STAG1: variants seen among roughly 807,000 people sequenced by gnomAD.
STAG1 encodes cohesin subunit SA-1.
Under a neutral mutation model 170.9 loss-of-function variants are expected in STAG1, and 26 were observed. The observed-to-expected ratio is 0.15, with a 90% CI of 0.11 to 0.21. The LOEUF (loss-of-function observed/expected upper bound fraction) is 0.21. Among genes scored for constraint, STAG1 ranks in the 10% least tolerant of loss-of-function variants. The probability of loss-of-function intolerance (pLI) is 1.00; values close to 1 mark genes in which losing one functional copy is unlikely to be tolerated. For missense variants in STAG1, 964 were observed against 1,509.5 expected (o/e 0.64, Z 5.99); for synonymous variants, 514 against 497.7 (o/e 1.03, Z -0.44).
At chr3:136,528,675 C>T (rs1397363226) in intron 6 of STAG1, among the ~76,000 whole-genome samples, 11 of 151,980 alleles carry the variant, frequency 7.2e-5, no homozygotes, top group East Asian at 1.9e-4. Flanking sequence ...CCAAGTCAGG[C>T]GCAGGGGCTC....
At chr3:136,527,063 T>C (rs1935072130) in intron 6 of STAG1, among the ~76,000 whole-genome samples, 1 of 152,204 alleles carries the variant, frequency 6.6e-6, no homozygotes, top group Admixed American at 6.5e-5. Flanking sequence ...ATCTGACAAT[T>C]ATGTGTCTTG....
In STAG1 at chr3:136,546,308, G is replaced by C. The variant is rs553608838; in HGVS notation, c.395-4113C>G. Among the ~76,000 whole-genome samples, 7 of 152,280 alleles carry C rather than the reference G, an allele frequency of 4.6e-5. No homozygotes were observed. The South Asian group carries it at 8.3e-4, about 18-fold the overall frequency. The stretch of plus-strand genomic sequence containing the variant: ...CTATTAATAGGATTCAAGATAGGCA[G>C]GGTTTCTTGACCTGTGGCACATGGA... On this transcript the variant is annotated intron_variant, in intron 5 of 33. Coordinates refer to ENST00000383202, the MANE Select transcript of STAG1 (RefSeq NM_005862.3).
chr3:136,431,234 A>C (rs528264845), intron 16 of STAG1, among the ~76,000 whole-genome samples: 1 of 150,312 alleles, frequency 6.7e-6, no homozygotes, highest in Non-Finnish European at 1.5e-5. Flanking sequence ...CTTCTTGTGG[A>C]TTTGTTTTAT....
chr3:136,348,908 A>G (rs549043531), intron 29 of STAG1: 2 of 496,520 alleles, frequency 4.0e-6, no homozygotes, highest in East Asian at 7.5e-5. Context: ...TTGATTTTAT[A>G]GACCTAGCTA....
chr3:136,469,889 A>G (rs1018998993), intron 12 of STAG1, among the ~76,000 whole-genome samples: 19 of 152,228 alleles, frequency 1.2e-4, no homozygotes, highest in African/African-American at 4.3e-4. Flanking sequence ...TGGGGAAAGG[A>G]TTCCCTATTT....
At chr3:136,643,359 T>G (rs927297771) in intron 1 of STAG1, among the ~76,000 whole-genome samples, 1 of 152,338 alleles carries the variant, frequency 6.6e-6, no homozygotes, top group South Asian at 2.1e-4. Context: ...AATAAAGAGA[T>G]AAACATGAGA....
intron 22 of STAG1, among the ~76,000 whole-genome samples, chr3:136,385,288 A>G (rs993259158): frequency 4.6e-5 from 7 of 152,018 alleles, no homozygotes; most frequent in African/African-American, 9.7e-5. Flanking sequence ...TCTCTACAAT[A>G]TATCAGCCAG....
intron 1 of STAG1, among the ~76,000 whole-genome samples, chr3:136,724,516 T>C (rs998200060): frequency 3.3e-5 from 5 of 151,670 alleles, no homozygotes; most frequent in African/African-American, 1.2e-4. Flanking sequence ...CTTTGTTCAC[T>C]TGTTTATCTG....
intron 1 of STAG1, among the ~76,000 whole-genome samples, chr3:136,714,096 T>C (rs1943456956): frequency 6.6e-6 from 1 of 151,702 alleles, no homozygotes; most frequent in East Asian, 1.9e-4. Context: ...AAGAACCACT[T>C]GAACCCAGGA....
rs143656075 is a variant in STAG1, at chr3:136,527,490, T to G, written c.472-6073A>C. On this transcript the variant is annotated intron_variant, in intron 6 of 33. Coordinates refer to ENST00000383202, the MANE Select transcript of STAG1 (RefSeq NM_005862.3). ...TACACTGGTTATTCTAGTTAGCCAT[T>G]CGTCCAGTCTTTTTTTGGTTTTCAG... Among the ~76,000 whole-genome samples, 682 of 152,296 alleles carry G rather than the reference T, an allele frequency of 4.5e-3. 4 individuals are homozygous for G. The highest frequency in any genetic ancestry group is 8.3e-3 in the Non-Finnish European group (565 of 68,028).
intron 10 of STAG1, 101 bp from the exon 11 acceptor site, chr3:136,473,738 C>T (rs112977277): frequency 1.6e-4 from 125 of 797,290 alleles, no homozygotes; most frequent in Non-Finnish European, 2.5e-4. Context: ...ATTTGACTTA[C>T]TGCATATTGT....
chr3:136,744,061 C>T (rs1221104661), intron 1 of STAG1, among the ~76,000 whole-genome samples: 1 of 152,248 alleles, frequency 6.6e-6, no homozygotes, highest in East Asian at 1.9e-4. Context: ...GGCCACGTGG[C>T]TCACGCCTGT....
intron 9 of STAG1, 21 bp from the exon 10 acceptor site, chr3:136,477,433 C>A: frequency 5.7e-6 from 9 of 1,582,526 alleles, no homozygotes; most frequent in Non-Finnish European, 6.0e-6. Context: ...AAAAAAAAGA[C>A]AATCTCAAAT....
intron 20 of STAG1, among the ~76,000 whole-genome samples, chr3:136,419,230 C>T (rs1313138289): frequency 7.0e-6 from 1 of 143,434 alleles, no homozygotes. Context: ...TAAAAGTTTG[C>T]TTTTCTAGGG....
chr3:136,531,838 C>A (rs542279378), intron 6 of STAG1, among the ~76,000 whole-genome samples: 90 of 148,896 alleles, frequency 6.0e-4, no homozygotes, highest in African/African-American at 2.2e-3. Flanking sequence ...TGCAGCGCAC[C>A]AGCATGGCAC....
intron 26 of STAG1, among the ~76,000 whole-genome samples, chr3:136,361,583 G>A (rs1360951776): frequency 6.6e-6 from 1 of 152,034 alleles, no homozygotes; most frequent in East Asian, 1.9e-4. Flanking sequence ...TGAGCAGTAA[G>A]TATCCATTTT....
chr3:136,711,746 A>C (rs532829927), intron 1 of STAG1, among the ~76,000 whole-genome samples: 44 of 152,206 alleles, frequency 2.9e-4, no homozygotes, highest in African/African-American at 1.1e-3. Context: ...TGATGGCAAA[A>C]GTTTTTTTGT....
chr3:136,468,146 T>C (rs2089521567), intron 12 of STAG1, among the ~76,000 whole-genome samples: 1 of 151,658 alleles, frequency 6.6e-6, no homozygotes, highest in Non-Finnish European at 1.5e-5. Flanking sequence ...AGGCAAGAAA[T>C]AACTAAGATC....
At chr3:136,629,381 C>T (rs1204438895) in intron 2 of STAG1, among the ~76,000 whole-genome samples, 1 of 151,626 alleles carries the variant, frequency 6.6e-6, no homozygotes, top group Admixed American at 6.6e-5. Flanking sequence ...AGTGGCTTGG[C>T]CAGGTAAGGG....
Sources: gnomAD v4.1 joint callset for allele counts (sites outside exome capture counted in the v4.1 genomes callset) on GRCh38, gnomAD v4.1.1 for gene constraint, MANE v1.5 for transcripts, NCBI Gene and HGNC (gene_info 2026-07-23, HGNC 2026-07-21) for gene names.